CDH18: variants seen among roughly 807,000 people sequenced by gnomAD.
The protein encoded by CDH18 is cadherin-18.
Under a neutral mutation model 67.9 loss-of-function variants are expected in CDH18, and 31 were observed. The observed-to-expected ratio is 0.46, with a 90% confidence interval of 0.34 to 0.62. CDH18 has a LOEUF of 0.62. Among genes scored for constraint, CDH18 ranks in the 20% least tolerant of loss-of-function variants. CDH18 has a pLI of 0.01. For synonymous variants in CDH18, 362 were observed against 347.2 expected (o/e 1.04, Z -0.48); for missense variants, 890 against 975.5 (o/e 0.91, Z 1.17).
intron 2 of CDH18, among the ~76,000 whole-genome samples, chr5:20,131,288 T>C (rs561407275): frequency 9.9e-4 from 150 of 152,242 alleles, no homozygotes; most frequent in African/African-American, 3.3e-3. Context: ...TGTAAAAATA[T>C]TGGATATGCA....
chr5:19,510,716 T>A (rs978198720), intron 10 of CDH18, among the ~76,000 whole-genome samples: 1 of 152,054 alleles, frequency 6.6e-6, no homozygotes, highest in East Asian at 1.9e-4. Flanking sequence ...TAATCCCACA[T>A]AACCCCTACC....
intron 2 of CDH18, among the ~76,000 whole-genome samples, chr5:20,006,355 T>C (rs1736903466): frequency 6.6e-6 from 1 of 151,932 alleles, no homozygotes. Flanking sequence ...TAAAATTATT[T>C]ACAATAATAT....
Position 20,365,084 on chromosome 5 carries a change from G to A in CDH18, c.-579-109579C>T, listed in dbSNP as rs2150076550. Among the ~76,000 whole-genome samples the A allele has an allele frequency of 1.3e-5, 2 of 152,268 alleles. 1 individual carries two copies. The highest frequency in any genetic ancestry group is 4.1e-4 in the South Asian group (2 of 4,830). On this transcript the variant is annotated intron_variant, in intron 1 of 14. Coordinates refer to the CDH18 transcript ENST00000507958. Reference sequence around the variant, plus strand: ...TGAGCTGCTATCACAAAATATCACAGACCGGATGATTTAAACAGCAAAAAT... The same window carrying A: ...TGAGCTGCTATCACAAAATATCACAAACCGGATGATTTAAACAGCAAAAAT...
chr5:19,942,458 T>C (rs2150235555), intron 2 of CDH18, among the ~76,000 whole-genome samples: 1 of 152,302 alleles, frequency 6.6e-6, no homozygotes, highest in South Asian at 2.1e-4. Flanking sequence ...ATCCTTTTGC[T>C]TTTTATCAAG....
chr5:20,317,920 C>T (rs1737625372), intron 1 of CDH18, among the ~76,000 whole-genome samples: 1 of 152,148 alleles, frequency 6.6e-6, no homozygotes, highest in Non-Finnish European at 1.5e-5. Flanking sequence ...AACAAAATTA[C>T]TTCGATGTTC....
rs569673388 is a variant in CDH18 at position 19,879,109 on chromosome 5, A to G, written c.-256-39867T>C. On this transcript the variant is annotated intron_variant, in intron 2 of 12. Transcript: ENST00000382275. ...ATAATACTCTAATCTAAGCTTTCTA[A>G]GCTTTCTTCAGCTAAAGTTATCTTA... 7.2e-5 allele frequency among the ~76,000 whole-genome samples: 11 copies of G among 152,140 alleles called. No individual in the cohort carries two copies. In the South Asian group the frequency reaches 2.3e-3, roughly 31 times the overall value.
At chr5:19,975,658 A>C (rs980098692) in intron 2 of CDH18, among the ~76,000 whole-genome samples, 3 of 152,206 alleles carry the variant, frequency 2.0e-5, no homozygotes, top group Admixed American at 2.0e-4. Context: ...AACACATATT[A>C]GCTAAGAACA....
chr5:20,414,593 C>T (rs1297469086), intron 1 of CDH18, among the ~76,000 whole-genome samples: 2 of 152,148 alleles, frequency 1.3e-5, no homozygotes, highest in Non-Finnish European at 2.9e-5. Context: ...AACCAACCTA[C>T]TCTAGTAAAT....
At chr5:20,396,317 C>T (rs917201607) in intron 1 of CDH18, among the ~76,000 whole-genome samples, 10 of 151,874 alleles carry the variant, frequency 6.6e-5, no homozygotes, top group Admixed American at 2.6e-4. Flanking sequence ...AATAACCCCA[C>T]ACATCTAGTG....
chr5:19,486,092 G>A (rs549202949), intron 11 of CDH18, among the ~76,000 whole-genome samples: 7 of 151,906 alleles, frequency 4.6e-5, no homozygotes, highest in African/African-American at 9.7e-5. Flanking sequence ...TTTGACTTTT[G>A]AAAAGAAAGG....
chr5:20,340,343 G>C lies in CDH18; in HGVS notation c.-579-84838C>G, dbSNP rs142314477. Among the ~76,000 whole-genome samples, 290 of 152,232 alleles carry C rather than the reference G, an allele frequency of 1.9e-3. 1 individual carries two copies. The highest frequency in any genetic ancestry group is 6.7e-3 in the African/African-American group (279 of 41,548). ...GGTGGCCACCTCGTCTTTTACAACA[G>C]GCACGAGGAGGAGGCTCAGGAGAAA... On this transcript the variant is annotated intron_variant, in intron 1 of 14. Transcript: ENST00000507958.
At chr5:19,962,568 G>T (rs6892668) in intron 2 of CDH18, among the ~76,000 whole-genome samples, 18,772 of 151,706 alleles carry the variant, frequency 0.12, 3,410 homozygotes, top group African/African-American at 0.4. Flanking sequence ...GAGATCAGGA[G>T]TATGAAACCA....
At chr5:19,555,793 C>A (rs1738300416) in intron 8 of CDH18, among the ~76,000 whole-genome samples, 1 of 152,254 alleles carries the variant, frequency 6.6e-6, no homozygotes, top group East Asian at 1.9e-4. Context: ...GAAAGCACCA[C>A]CTCCTGGCTG....
intron 1 of CDH18, among the ~76,000 whole-genome samples, chr5:19,983,597 A>G (rs1799274382): frequency 6.6e-6 from 1 of 152,140 alleles, no homozygotes. Context: ...AAATTTCTAA[A>G]TTTATGTGGC....
At chr5:20,536,016 T>C (rs907495948) in intron 1 of CDH18, among the ~76,000 whole-genome samples, 7 of 152,188 alleles carry the variant, frequency 4.6e-5, no homozygotes, top group Non-Finnish European at 7.4e-5. Context: ...TCTTATGCTG[T>C]TTATTGTCCA....
At chr5:20,490,952 T>G (rs903880034) in intron 1 of CDH18, among the ~76,000 whole-genome samples, 2 of 152,104 alleles carry the variant, frequency 1.3e-5, no homozygotes, top group Non-Finnish European at 2.9e-5. Flanking sequence ...ATCCTTAACA[T>G]TTTAAGTCCA....
chr5:20,346,418 A>G (rs1740703437), intron 1 of CDH18, among the ~76,000 whole-genome samples: 1 of 152,172 alleles, frequency 6.6e-6, no homozygotes. Flanking sequence ...TTACAAAAGG[A>G]AAGAGCTTGG....
chr5:19,832,906 C>T (rs1316226727), intron 3 of CDH18, among the ~76,000 whole-genome samples: 2 of 151,936 alleles, frequency 1.3e-5, no homozygotes, highest in East Asian at 3.9e-4. Flanking sequence ...TACCAGCACC[C>T]TGCTGTTTTG....
At chr5:20,002,595 A>G (rs933168224) in intron 2 of CDH18, among the ~76,000 whole-genome samples, 15 of 152,354 alleles carry the variant, frequency 9.8e-5, no homozygotes, top group African/African-American at 3.4e-4. Context: ...TGATTTTACC[A>G]AACTGTACAT....
Sources: gnomAD v4.1 joint callset for allele counts (sites outside exome capture counted in the v4.1 genomes callset) on GRCh38, gnomAD v4.1.1 for gene constraint, MANE v1.5 for transcripts, NCBI Gene and HGNC (gene_info 2026-07-23, HGNC 2026-07-21) for gene names.